PCNX2: variants seen among roughly 807,000 people sequenced by gnomAD.
PCNX2 encodes pecanex-like protein 2.
Under a neutral mutation model 223.8 loss-of-function variants are expected in PCNX2, and 168 were observed. The ratio of observed to expected loss-of-function variants is 0.75; its 90% confidence interval spans 0.66 to 0.85. The LOEUF is 0.85. Among genes scored for constraint, PCNX2 ranks in the 40% least tolerant of loss-of-function variants. The pLI is 0.00. For synonymous variants in PCNX2, 1,006 were observed against 1,052.6 expected, an observed-to-expected ratio of 0.96 and a Z score of 0.86; for missense variants, 2,507 against 2,675.5, an observed-to-expected ratio of 0.94 and a Z score of 1.39.
intron 30 of PCNX2, among the ~76,000 whole-genome samples, chr1:232,999,971 A>C (rs1232819523): frequency 6.6e-6 from 1 of 152,226 alleles, no homozygotes; most frequent in Non-Finnish European, 1.5e-5. Context: ...TATGAGAGAA[A>C]GGTGTGGGTT....
the PCNX2 span, among the ~76,000 whole-genome samples, chr1:233,318,707 C>G: frequency 6.6e-6 from 1 of 151,758 alleles, no homozygotes; most frequent in Admixed American, 6.6e-5. Flanking sequence ...TCTGAGATTA[C>G]AGGTGTCTGC....
At chr1:233,144,119 T>A (rs1677286173) in intron 19 of PCNX2, among the ~76,000 whole-genome samples, 1 of 152,018 alleles carries the variant, frequency 6.6e-6, no homozygotes, top group South Asian at 2.1e-4. Context: ...AGGTTGAGGC[T>A]GTAATAAGCC....
chr1:233,139,919 GTAA>G lies in PCNX2; in HGVS notation c.3518-67_3518-65del. 1 of 1,524,912 alleles carries G rather than the reference GTAA, an allele frequency of 6.6e-7. No homozygotes were observed. Among genetic ancestry groups the G allele is most frequent in the Non-Finnish European group, 8.9e-7 (1 of 1,127,862 alleles). The allele number at this position is 1,524,912 out of a possible 1,614,324, so 94.5% of individuals were successfully genotyped here. A position where few individuals can be genotyped will look rare whatever the true frequency, so the allele number is the denominator to read the frequency against. ...TCAAAGTATTTTTCTTTAAGTACAG[GTAA>G]TAATAAGTAATATTCCCCCCCTTTA... is the stretch of plus-strand genomic sequence containing the variant. On this transcript the variant is annotated intron_variant, in intron 19 of 33. Coordinates refer to ENST00000258229, the MANE Select transcript of PCNX2 (RefSeq NM_014801.4). This position sits in a 1 kb window ranked among gnomAD's most constrained non-coding sequence, Gnocchi z 4.4.
At chr1:233,054,214 T>TAA in intron 25 of PCNX2, 54 bp downstream of exon 25, 1 of 1,512,326 alleles carries the variant, frequency 6.6e-7, no homozygotes, top group Non-Finnish European at 9.1e-7. Context: ...TTTTGCTTGA[T>TAA]AATTAACTCA....
At chr1:233,213,322 G>A (rs1049215109) in intron 12 of PCNX2, among the ~76,000 whole-genome samples, 2 of 152,110 alleles carry the variant, frequency 1.3e-5, no homozygotes, top group Non-Finnish European at 2.9e-5. Context: ...CTATTATAAT[G>A]TAATTTGGTG....
chr1:233,296,318 C>G (rs1031229034), upstream of PCNX2, among the ~76,000 whole-genome samples: 9 of 152,178 alleles, frequency 5.9e-5, no homozygotes, highest in African/African-American at 2.2e-4. Flanking sequence ...TCCTCCACTC[C>G]CTGTTGTCCA....
At chr1:233,153,999 C>T (rs1677968144) in intron 19 of PCNX2, among the ~76,000 whole-genome samples, 1 of 151,914 alleles carries the variant, frequency 6.6e-6, no homozygotes, top group South Asian at 2.1e-4. Flanking sequence ...AATTTGGGAC[C>T]CATTAGTGAA....
At chr1:233,002,049 C>T (rs887139101) in intron 28 of PCNX2, among the ~76,000 whole-genome samples, 1 of 152,132 alleles carries the variant, frequency 6.6e-6, no homozygotes, top group African/African-American at 2.4e-5. Context: ...GACCAGCTCC[C>T]CAGAGACGAT....
At position 233,139,639 on chromosome 1, in the gene PCNX2, A is replaced by T. The variant is rs1431841654; in HGVS notation, c.3659+75T>A. 6.7e-7 allele frequency: 1 copy of T among 1,492,798 alleles called. No homozygotes were observed. The highest frequency in any genetic ancestry group is 9.0e-7 in the Non-Finnish European group (1 of 1,108,226). The allele number at this position is 1,492,798 out of a possible 1,614,324, so 92.5% of individuals were successfully genotyped here. A position where few individuals can be genotyped will look rare whatever the true frequency, so the allele number is the denominator to read the frequency against. ...CGGTAAAGGTTGGCTTCTTCTGCAG[A>T]TTGTTTACAGAAAATTCACTCGATT... On this transcript the variant is annotated intron_variant, in intron 20 of 33. Coordinates refer to ENST00000258229, the MANE Select transcript of PCNX2 (RefSeq NM_014801.4). This position sits in a 1 kb window ranked among gnomAD's most constrained non-coding sequence, Gnocchi z 4.4.
chr1:233,185,733 A>C (rs546184344), intron 15 of PCNX2, among the ~76,000 whole-genome samples: 1 of 152,368 alleles, frequency 6.6e-6, no homozygotes, highest in African/African-American at 2.4e-5. Context: ...TTTTGGAAAG[A>C]GATAAAGTTT....
At chr1:233,248,584 A>G (rs911548488) in intron 8 of PCNX2, among the ~76,000 whole-genome samples, 1 of 152,242 alleles carries the variant, frequency 6.6e-6, no homozygotes, top group East Asian at 1.9e-4. Context: ...CAATGACTCA[A>G]TCTGAACCTC....
intron 23 of PCNX2, among the ~76,000 whole-genome samples, chr1:233,081,157 G>A (rs1673341395): frequency 1.3e-5 from 2 of 152,160 alleles, no homozygotes; most frequent in Admixed American, 6.5e-5. Flanking sequence ...GACCAGCCTG[G>A]CCAAGATGAT....
the PCNX2 span, among the ~76,000 whole-genome samples, chr1:233,318,646 C>T: frequency 6.9e-6 from 1 of 145,068 alleles, no homozygotes; most frequent in African/African-American, 2.6e-5. Context: ...TCACTGCAAC[C>T]TCCGCCCCCG....
chr1:233,138,156 A>C (rs1676916011), intron 20 of PCNX2, among the ~76,000 whole-genome samples: 1 of 152,222 alleles, frequency 6.6e-6, no homozygotes, highest in South Asian at 2.1e-4. Flanking sequence ...TGAGTGAAAC[A>C]ATTGCTGATG....
chr1:233,307,399 C>T, the PCNX2 span, among the ~76,000 whole-genome samples: 5 of 152,270 alleles, frequency 3.3e-5, no homozygotes, highest in African/African-American at 1.2e-4. Flanking sequence ...CTCTCTCTTG[C>T]TCTCTCACGC....
intron 18 of PCNX2, among the ~76,000 whole-genome samples, chr1:233,160,744 T>C (rs1244328857): frequency 6.6e-6 from 1 of 152,184 alleles, no homozygotes; most frequent in Non-Finnish European, 1.5e-5. Flanking sequence ...CTCACAGACA[T>C]TTCCTCATGA....
In PCNX2 at chr1:233,217,906, G is replaced by A. The variant is rs752436779; in HGVS notation, c.2684C>T (p.Pro895Leu). The change falls in exon 12 of 34, where the codon CCA becomes CTA. Residue 895 changes from proline to leucine, a missense_variant. Pro to Leu is a moderately conservative substitution (Grantham distance 98). Coordinates refer to ENST00000258229, the MANE Select transcript of PCNX2 (RefSeq NM_014801.4). The part of the protein sequence containing the change: ...LKSVQPDPAS[P>L]IHGHNQIITY... ...CTGTATTTGGAAACTTACGTGTATTGGTGAGGCGGGGTCAGGCTGAACACT... is the reference window on the plus strand; with the variant it reads ...CTGTATTTGGAAACTTACGTGTATTAGTGAGGCGGGGTCAGGCTGAACACT... 6.2e-7 allele frequency: 1 copy of A among 1,613,766 alleles called. No homozygotes were observed. Among genetic ancestry groups the A allele is most frequent in the Non-Finnish European group, 8.5e-7 (1 of 1,179,874 alleles).
At chr1:233,284,301 T>A (rs1016860876) in intron 1 of PCNX2, among the ~76,000 whole-genome samples, 3 of 152,170 alleles carry the variant, frequency 2.0e-5, no homozygotes, top group African/African-American at 7.2e-5. Context: ...GGGTCATGTG[T>A]CTTGATGTCT....
At position 233,014,753 on chromosome 1, in the gene PCNX2, C is replaced by T. The variant is rs770205240; in HGVS notation, c.4864G>A (p.Glu1622Lys). The change falls in exon 28 of 34, where the codon GAG becomes AAG. Residue 1622 changes from glutamate to lysine, a missense_variant. By Grantham distance (56) the Glu-to-Lys change is moderately conservative. This residue lies in a region of PCNX2 where 1,372 missense variants were observed against 1,509.4 expected (regional missense o/e 0.91). Coordinates refer to ENST00000258229, the MANE Select transcript of PCNX2 (RefSeq NM_014801.4). ...QEPSTTLDSD[E>K]DSPLVTLSFA... is the part of the protein sequence containing the mutation. Reference sequence around the variant, plus strand: ...GACAGAGTCACCAAGGGAGAGTCCTCGTCACTGTCCAGGGTCGTTGAAGGC... The same window carrying T: ...GACAGAGTCACCAAGGGAGAGTCCTTGTCACTGTCCAGGGTCGTTGAAGGC... 3.1e-6 allele frequency: 5 copies of T among 1,613,790 alleles called. No homozygotes were observed. Among genetic ancestry groups the T allele is most frequent in the Middle Eastern group, 1.7e-4 (1 of 6,056 alleles).
Sources: gnomAD v4.1 joint callset for allele counts (sites outside exome capture counted in the v4.1 genomes callset) on GRCh38, gnomAD v4.1.1 for gene constraint, gnomAD v4.1.1 regional missense constraint, Gnocchi (gnomAD v3.1) non-coding constraint, MANE v1.5 for transcripts, NCBI Gene and HGNC (gene_info 2026-07-23, HGNC 2026-07-21) for gene names.